RBFOX1: variants seen among roughly 807,000 people sequenced by gnomAD.
The protein encoded by RBFOX1 is RNA binding protein fox-1 homolog 1.
Under a neutral mutation model 57.7 loss-of-function variants are expected in RBFOX1, and 8 were observed. That is an observed-to-expected ratio of 0.14 (90% CI 0.08 to 0.25). The LOEUF (loss-of-function observed/expected upper bound fraction) is 0.25. Ranked by LOEUF, RBFOX1 falls within the 10% of genes least tolerant of loss-of-function variation. The pLI, the probability that RBFOX1 is intolerant of heterozygous loss-of-function variation, is 1.00. For synonymous variants in RBFOX1, 326 were observed against 222.4 expected (o/e 1.47, Z -4.15); for missense variants, 611 against 548.5 (o/e 1.11, Z -1.14).
At chr16:6,966,966 A>G (rs1048801253) in intron 3 of RBFOX1, among the ~76,000 whole-genome samples, 2 of 151,984 alleles carry the variant, frequency 1.3e-5, no homozygotes, top group Non-Finnish European at 1.5e-5. Context: ...ATTTGCCTAT[A>G]TAGACATTCA....
At chr16:5,429,009 G>C (rs563368598) in intron 1 of RBFOX1, among the ~76,000 whole-genome samples, 1 of 152,060 alleles carries the variant, frequency 6.6e-6, no homozygotes, top group Non-Finnish European at 1.5e-5. Flanking sequence ...TTTTTAAATG[G>C]AAGTACCAGG....
At chr16:7,352,796 G>T (rs753339901) in intron 4 of RBFOX1, among the ~76,000 whole-genome samples, 2 of 152,064 alleles carry the variant, frequency 1.3e-5, no homozygotes, top group African/African-American at 4.8e-5. Flanking sequence ...GCTCACTGCA[G>T]CTTCGACCTC....
intron 4 of RBFOX1, among the ~76,000 whole-genome samples, chr16:7,427,383 C>T (rs985962083): frequency 2.1e-4 from 32 of 152,118 alleles, no homozygotes; most frequent in African/African-American, 7.5e-4. Context: ...GGTCTGAGAA[C>T]CCCCAAGTTT....
rs370769178 is a variant in RBFOX1, at chr16:6,029,145, A to G, written c.-127+9153A>G. Among the ~76,000 whole-genome samples the G allele has an allele frequency of 2.9e-4, 44 of 152,256 alleles. No homozygotes were observed. The East Asian group carries it at 5.0e-3, about 17-fold the overall frequency. On this transcript the variant is annotated intron_variant, in intron 1 of 15. Coordinates refer to ENST00000550418, the MANE Select transcript of RBFOX1 (RefSeq NM_018723.4). Reference sequence around the variant, plus strand: ...TAGCCTCTCACCCCATGACTCTTTGATACAAAAGGTTCCCTAGTTAGTGTG... The same window carrying G: ...TAGCCTCTCACCCCATGACTCTTTGGTACAAAAGGTTCCCTAGTTAGTGTG...
intron 2 of RBFOX1, among the ~76,000 whole-genome samples, chr16:6,379,105 A>G (rs1053509223): frequency 3.3e-5 from 5 of 152,202 alleles, no homozygotes; most frequent in African/African-American, 1.2e-4. Context: ...TGGGTATTTG[A>G]GTGGATGGGG....
intron 2 of RBFOX1, among the ~76,000 whole-genome samples, chr16:6,645,844 C>G (rs1337710282): frequency 1.3e-5 from 2 of 152,080 alleles, no homozygotes; most frequent in East Asian, 1.9e-4. Flanking sequence ...TGTTAATATG[C>G]TTCTCTTACA....
rs567659806 is a variant in RBFOX1, at chr16:6,458,772, C to A, written c.-64+141715C>A. Among the ~76,000 whole-genome samples, 71 of 152,296 alleles carry A rather than the reference C, an allele frequency of 4.7e-4. 2 individuals are homozygous for A. In the South Asian group the frequency reaches 0.014, roughly 30 times the overall value. On this transcript the variant is annotated intron_variant, in intron 2 of 15. Transcript: ENST00000550418. ...TGTTAAAGCAATTACAGATATACGACAGAGTTGCATGTAAAATGCATGTGG... is the reference window on the plus strand; with the variant it reads ...TGTTAAAGCAATTACAGATATACGAAAGAGTTGCATGTAAAATGCATGTGG...
At chr16:6,994,041 C>G (rs547004204) in intron 3 of RBFOX1, among the ~76,000 whole-genome samples, 2 of 152,040 alleles carry the variant, frequency 1.3e-5, no homozygotes, top group African/African-American at 2.4e-5. Flanking sequence ...ATCCACCTCC[C>G]CCTCTGGGAG....
intron 3 of RBFOX1, among the ~76,000 whole-genome samples, chr16:6,894,721 A>G (rs2066337610): frequency 6.6e-6 from 1 of 152,212 alleles, no homozygotes. Context: ...AAATTTTGTA[A>G]AAAGGTTACC....
At chr16:5,472,140 C>G (rs550417577) in intron 2 of RBFOX1, among the ~76,000 whole-genome samples, 2 of 152,138 alleles carry the variant, frequency 1.3e-5, no homozygotes, top group Admixed American at 1.3e-4. Context: ...TATCACGGCT[C>G]TCTCCCTGCC....
At chr16:7,644,787 A>G (rs1485830831) in intron 11 of RBFOX1, among the ~76,000 whole-genome samples, 1 of 152,240 alleles carries the variant, frequency 6.6e-6, no homozygotes, top group Non-Finnish European at 1.5e-5. Flanking sequence ...AAAAGAAAAC[A>G]ACAGGGTAAT....
intron 4 of RBFOX1, among the ~76,000 whole-genome samples, chr16:5,935,696 G>A (rs988271040): frequency 1.3e-5 from 2 of 152,202 alleles, no homozygotes; most frequent in Non-Finnish European, 2.9e-5. Context: ...GGTCTCAGAT[G>A]TTAAAGCAAC....
intron 3 of RBFOX1, among the ~76,000 whole-genome samples, chr16:6,678,229 T>G (rs1861042): frequency 9.2e-5 from 14 of 151,626 alleles, no homozygotes; most frequent in East Asian, 2.0e-4. Flanking sequence ...AGTTCAAGCA[T>G]TTATCCAACT....
intron 4 of RBFOX1, among the ~76,000 whole-genome samples, chr16:7,120,510 A>G (rs1044098820): frequency 5.3e-5 from 8 of 151,982 alleles, no homozygotes; most frequent in Admixed American, 1.3e-4. Flanking sequence ...CAAATAATCT[A>G]TGCACATGTA....
chr16:6,057,935 G>C (rs1037774650), intron 1 of RBFOX1, among the ~76,000 whole-genome samples: 1 of 149,522 alleles, frequency 6.7e-6, no homozygotes, highest in Non-Finnish European at 1.5e-5. Flanking sequence ...CTTGCTGATG[G>C]TGAGGTCAAA....
At chr16:5,297,678 C>T (rs1166541648) in intron 1 of RBFOX1, among the ~76,000 whole-genome samples, 2 of 152,128 alleles carry the variant, frequency 1.3e-5, no homozygotes, top group Non-Finnish European at 2.9e-5. Flanking sequence ...AATATTTTCT[C>T]CCATCCCATA....
intron 4 of RBFOX1, among the ~76,000 whole-genome samples, chr16:7,110,375 G>C (rs750982): frequency 6.7e-6 from 1 of 149,610 alleles, no homozygotes; most frequent in African/African-American, 2.4e-5. Flanking sequence ...AAAAAAGATC[G>C]TTCCCACTTT....
intron 4 of RBFOX1, among the ~76,000 whole-genome samples, chr16:7,419,543 C>T (rs2098518854): frequency 6.6e-6 from 1 of 152,202 alleles, no homozygotes; most frequent in Admixed American, 6.5e-5. Context: ...CATCTGATTA[C>T]CATGGCAAAT....
At chr16:5,479,471 C>A (rs752996476) in intron 2 of RBFOX1, among the ~76,000 whole-genome samples, 4 of 152,148 alleles carry the variant, frequency 2.6e-5, no homozygotes, top group East Asian at 1.9e-4. Context: ...AGAATTATTT[C>A]TCCCCGGCCA....
Sources: allele counts gnomAD v4.1 joint callset (sites outside exome capture counted in the v4.1 genomes callset), GRCh38; gene constraint gnomAD v4.1.1; transcripts MANE v1.5; gene names NCBI Gene and HGNC (gene_info 2026-07-23, HGNC 2026-07-21).